EFNA2: variants seen among roughly 807,000 people sequenced by gnomAD.
EFNA2 encodes the protein ephrin A2, also known as ephrin-A2.
Under a neutral mutation model 19.7 loss-of-function variants are expected in EFNA2, and 18 were observed. The ratio of observed to expected loss-of-function variants is 0.91; its 90% CI spans 0.63 to 1.35. The LOEUF is 1.35. EFNA2 is among the 40% of genes most tolerant of loss of function. EFNA2 has a pLI of 0.00. For missense variants in EFNA2, 303 were observed against 296.0 expected, an observed-to-expected ratio of 1.02 and a Z score of -0.17; for synonymous variants, 187 against 137.8, an observed-to-expected ratio of 1.36 and a Z score of -2.50.
Position 1,300,770 on chromosome 19 carries a change from A to T in EFNA2, c.*825A>T, listed in dbSNP as rs889135803. ...CGGAATCACAGTCCCGCCGTGTCTT[A>T]GAAACTGCTTTGGCCGATGCAAACA... On this transcript the variant is annotated 3_prime_UTR_variant, in exon 4 of 4. Coordinates refer to ENST00000215368, the MANE Select transcript of EFNA2 (RefSeq NM_001405.4). Among the ~76,000 whole-genome samples, 2 of 152,130 alleles carry T rather than the reference A, an allele frequency of 1.3e-5. No individual in the cohort carries two copies. The highest frequency in any genetic ancestry group is 6.5e-5 in the Admixed American group (1 of 15,280).
Position 1,288,581 on chromosome 19 carries a change from G to A in EFNA2, c.140+2273G>A, listed in dbSNP as rs115011449. The stretch of plus-strand genomic sequence containing the variant: ...ACAGCAGCGTGGGCACCAGGGGACC[G>A]TGTGCTCGATGGGGCCTGCAGGCCC... On this transcript the variant is annotated intron_variant, in intron 1 of 3. Transcript: ENST00000215368. 3.0e-3 allele frequency among the ~76,000 whole-genome samples: 451 copies of A among 152,198 alleles called. 5 individuals are homozygous for A. Among genetic ancestry groups the A allele is most frequent in the African/African-American group, 0.01 (435 of 41,502 alleles).
Position 1,300,114 on chromosome 19 carries a change from AC to A in EFNA2, c.*171del. On this transcript the variant is annotated 3_prime_UTR_variant, in exon 4 of 4. Coordinates refer to ENST00000215368, the MANE Select transcript of EFNA2 (RefSeq NM_001405.4). ...GCAGGGGCCATCCACCCGCCCCAGG[AC>A]CAGCCCTCAGGGAGGGGAAACGGCC... 1.0e-6 allele frequency: 1 copy of A among 990,024 alleles called. No individual in the cohort carries two copies. Among genetic ancestry groups the A allele is most frequent in the African/African-American group, 1.7e-5 (1 of 58,422 alleles). The allele number at this position is 990,024 out of a possible 1,614,324, so 61.3% of individuals were successfully genotyped here.
At position 1,286,207 on chromosome 19, in the gene EFNA2, C is replaced by T. The variant is rs1423021397; in HGVS notation, c.39C>T (p.Leu13=). Residue 13 remains leucine, a synonymous_variant, in exon 1 of 4, where the codon CTC becomes CTT. Coordinates refer to ENST00000215368, the MANE Select transcript of EFNA2 (RefSeq NM_001405.4). This position sits in a 1 kb window ranked among gnomAD's most constrained non-coding sequence, Gnocchi z 5.6. ...PAQRPLLPLL[L]LLLPLPPPPF... ...AGCGCCCGCTGCTCCCGCTGCTGCT[C>T]CTGCTGTTACCGCTGCCGCCGCCGC... 11 of 1,098,316 alleles carry T rather than the reference C, an allele frequency of 1.0e-5. No individual in the cohort carries two copies. Among genetic ancestry groups the T allele is most frequent in the Non-Finnish European group, 1.2e-5 (11 of 892,640 alleles). 68.0% of individuals were successfully genotyped at this position (1,098,316 alleles called of 1,614,324 possible). A position where few individuals can be genotyped will look rare whatever the true frequency, so the allele number is the denominator to read the frequency against.
chr19:1,299,847 G>A lies in EFNA2; in HGVS notation c.544G>A (p.Glu182Lys). Residue 182 changes from glutamate to lysine, a missense_variant, in exon 4 of 4, where the codon GAG becomes AAG. Coordinates refer to ENST00000215368, the MANE Select transcript of EFNA2 (RefSeq NM_001405.4). The part of the protein sequence containing the change: ...PTNETLYEAP[E>K]PIFTSNNSCS... Reference sequence around the variant, plus strand: ...AGACGAGACCCTGTACGAGGCTCCTGAGCCCATCTTCACCAGCAATAACTC... The same window carrying A: ...AGACGAGACCCTGTACGAGGCTCCTAAGCCCATCTTCACCAGCAATAACTC... 2 of 1,603,940 alleles carry A rather than the reference G, an allele frequency of 1.2e-6. No homozygotes were observed. Among genetic ancestry groups the A allele is most frequent in the Non-Finnish European group, 1.7e-6 (2 of 1,177,706 alleles).
At position 1,299,825 on chromosome 19, in the gene EFNA2, C is replaced by G; in HGVS notation, c.522C>G (p.Asn174Lys). 12 of 1,600,068 alleles carry G rather than the reference C, an allele frequency of 7.5e-6. No individual in the cohort carries two copies. Among genetic ancestry groups the G allele is most frequent in the South Asian group, 1.1e-5 (1 of 89,868 alleles). ...LRLKVYVRPT[N>K]ETLYEAPEPI... Reference sequence around the variant, plus strand: ...GCGTGCTGTCTCTGCCACCCGCAGACGAGACCCTGTACGAGGCTCCTGAGC... The same window carrying G: ...GCGTGCTGTCTCTGCCACCCGCAGAGGAGACCCTGTACGAGGCTCCTGAGC... Residue 174 changes from asparagine to lysine, a missense_variant and splice_region_variant, in exon 4 of 4, where the codon AAC becomes AAG. Coordinates refer to ENST00000215368, the MANE Select transcript of EFNA2 (RefSeq NM_001405.4).
chr19:1,300,512 C>T lies in EFNA2; in HGVS notation c.*567C>T, dbSNP rs889365043. Among the ~76,000 whole-genome samples the T allele has an allele frequency of 1.5e-4, 22 of 150,964 alleles. No homozygotes were observed. Among genetic ancestry groups the T allele is most frequent in the Non-Finnish European group, 3.3e-4 (22 of 67,452 alleles). On this transcript the variant is annotated 3_prime_UTR_variant, in exon 4 of 4. Transcript: ENST00000215368. ...AACACAGCCGCTCCCCTCTGCTCTG[C>T]ACCCCACTCGTGGGGGAACACAGCC...
chr19:1,286,232 C>T lies in EFNA2; in HGVS notation c.64C>T (p.Pro22Ser). 8.9e-7 allele frequency: 1 copy of T among 1,126,554 alleles called. No homozygotes were observed. The highest frequency in any genetic ancestry group is 1.1e-6 in the Non-Finnish European group (1 of 906,728). 69.8% of individuals were successfully genotyped at this position (1,126,554 alleles called of 1,614,324 possible). Residue 22 changes from proline (P) to serine (S), a missense_variant, in exon 1 of 4, where the codon CCC becomes TCC. Transcript: ENST00000215368. This position sits in a 1 kb window ranked among gnomAD's most constrained non-coding sequence, Gnocchi z 5.6. ...LLLLLPLPPP[P>S]FARAEDAARA... The stretch of plus-strand genomic sequence containing the variant: ...CCTGCTGTTACCGCTGCCGCCGCCG[C>T]CCTTCGCGCGCGCCGAGGACGCCGC...
Position 1,286,412 on chromosome 19 carries a change from C to A in EFNA2, c.140+104C>A. ...GCTCCGGGCGCCCCCCACGCGCGCG[C>A]CGCCGCCGGGATGCGGGCGCCCGGT... On this transcript the variant is annotated intron_variant, in intron 1 of 3. Coordinates refer to ENST00000215368, the MANE Select transcript of EFNA2 (RefSeq NM_001405.4). This position sits in a 1 kb window ranked among gnomAD's most constrained non-coding sequence, Gnocchi z 5.6. 1 of 424,704 alleles carries A rather than the reference C, an allele frequency of 2.4e-6. No homozygotes were observed. The highest frequency in any genetic ancestry group is 3.1e-6 in the Non-Finnish European group (1 of 319,340). 26.3% of individuals were successfully genotyped at this position (424,704 alleles called of 1,614,324 possible).
chr19:1,286,237 C>G lies in EFNA2; in HGVS notation c.69C>G (p.Phe23Leu). The G allele has an allele frequency of 8.9e-7, 1 of 1,128,296 alleles. No individual in the cohort carries two copies. The highest frequency in any genetic ancestry group is 1.9e-5 in the South Asian group (1 of 51,446). 69.9% of individuals were successfully genotyped at this position (1,128,296 alleles called of 1,614,324 possible). ...LLLLPLPPPP[F>L]ARAEDAARAN... ...TGTTACCGCTGCCGCCGCCGCCCTT[C>G]GCGCGCGCCGAGGACGCCGCCCGCG... is the stretch of plus-strand genomic sequence containing the variant. Residue 23 changes from phenylalanine (F) to leucine (L), a missense_variant, in exon 1 of 4, where the codon TTC becomes TTG. Transcript: ENST00000215368. This position sits in a 1 kb window ranked among gnomAD's most constrained non-coding sequence, Gnocchi z 5.6.
rs1048744625 is a variant in EFNA2 at position 1,300,068 on chromosome 19, G to A, written c.*123G>A. 3.2e-5 allele frequency: 42 copies of A among 1,331,126 alleles called. No individual in the cohort carries two copies. Among genetic ancestry groups the A allele is most frequent in the Non-Finnish European group, 3.6e-5 (36 of 1,011,048 alleles). The allele number at this position is 1,331,126 out of a possible 1,614,324, so 82.5% of individuals were successfully genotyped here. On this transcript the variant is annotated 3_prime_UTR_variant, in exon 4 of 4. Transcript: ENST00000215368. ...CAAATAGAGACGCTGCTTCTCCCTC[G>A]CCTGGTGCCGCCCCCGCCGGGCAGG... is the stretch of plus-strand genomic sequence containing the variant.
At chr19:1,299,740 A>G in intron 3 of EFNA2, 84 bp from the exon 4 acceptor site, 1 of 1,490,432 alleles carries the variant, frequency 6.7e-7, no homozygotes, top group Non-Finnish European at 8.9e-7. Context: ...CGTTGGGCAG[A>G]TGTGCACCCT....
At position 1,286,323 on chromosome 19, in the gene EFNA2, G is replaced by C. The variant is rs1180346775; in HGVS notation, c.140+15G>C. The C allele has an allele frequency of 8.1e-6, 8 of 989,184 alleles. No individual in the cohort carries two copies. In the African/African-American group the frequency reaches 1.1e-4, roughly 13 times the overall value. The allele number at this position is 989,184 out of a possible 1,614,324, so 61.3% of individuals were successfully genotyped here. A position where few individuals can be genotyped will look rare whatever the true frequency, so the allele number is the denominator to read the frequency against. ...AGCAACCCCAGGTGAGCGCGGCCGC[G>C]CGCGGGGGGCGCCCGGGGACCCCCC... is the stretch of plus-strand genomic sequence containing the variant. On this transcript the variant is annotated intron_variant, in intron 1 of 3. Coordinates refer to ENST00000215368, the MANE Select transcript of EFNA2 (RefSeq NM_001405.4). This position sits in a 1 kb window ranked among gnomAD's most constrained non-coding sequence, Gnocchi z 5.6.
upstream of EFNA2, among the ~76,000 whole-genome samples, chr19:1,285,448 C>G (rs375083104): frequency 1.3e-5 from 2 of 152,336 alleles, no homozygotes; most frequent in Admixed American, 6.5e-5. The surrounding 1 kb of genome is among the most constrained non-coding windows in gnomAD (Gnocchi z 4.1). Flanking sequence ...GGTCGCAGCC[C>G]GAGCAGCTTT....
Position 1,297,934 on chromosome 19 carries a change from T to C in EFNA2, c.455-617T>C, listed in dbSNP as rs1277133506. Among the ~76,000 whole-genome samples, 1 of 151,866 alleles carries C rather than the reference T, an allele frequency of 6.6e-6. No homozygotes were observed. Among genetic ancestry groups the C allele is most frequent in the Non-Finnish European group, 1.5e-5 (1 of 67,974 alleles). On this transcript the variant is annotated intron_variant, in intron 2 of 3. Coordinates refer to ENST00000215368, the MANE Select transcript of EFNA2 (RefSeq NM_001405.4). The surrounding 1 kb of genome is among the most constrained non-coding windows in gnomAD (Gnocchi z 5.0). Reference sequence around the variant, plus strand: ...TAAAAATACAAAAATTAGCCAGGCATGGTGGCACACATTTGTAATCCTGTT... The same window carrying C: ...TAAAAATACAAAAATTAGCCAGGCACGGTGGCACACATTTGTAATCCTGTT...
rs2081465563 is a variant in EFNA2 at position 1,286,465 on chromosome 19, G to A, written c.140+157G>A. Among the ~76,000 whole-genome samples the A allele has an allele frequency of 6.6e-6, 1 of 151,046 alleles. No homozygotes were observed. Among genetic ancestry groups the A allele is most frequent in the Non-Finnish European group, 1.5e-5 (1 of 67,638 alleles). ...CCGCGGGAGCCCCCCAGGGAGCTCCGGCCCCCCGGAGTTTGGGGGACTCGC... is the reference window on the plus strand; with the variant it reads ...CCGCGGGAGCCCCCCAGGGAGCTCCAGCCCCCCGGAGTTTGGGGGACTCGC... On this transcript the variant is annotated intron_variant, in intron 1 of 3. Coordinates refer to ENST00000215368, the MANE Select transcript of EFNA2 (RefSeq NM_001405.4). This position sits in a 1 kb window ranked among gnomAD's most constrained non-coding sequence, Gnocchi z 5.6.
intron 1 of EFNA2, among the ~76,000 whole-genome samples, chr19:1,292,611 G>A (rs568362421): frequency 1.3e-5 from 2 of 152,340 alleles, no homozygotes; most frequent in East Asian, 1.9e-4. Context: ...AGGGACAGCC[G>A]GGAGGCTGGT....
chr19:1,291,690 G>A (rs1239435110), intron 1 of EFNA2, among the ~76,000 whole-genome samples: 1 of 152,242 alleles, frequency 6.6e-6, no homozygotes, highest in Non-Finnish European at 1.5e-5. Flanking sequence ...TCCAGTCCTG[G>A]AAGGCAGCCC....
Position 1,295,825 on chromosome 19 carries a change from G to T in EFNA2, c.421G>T (p.Glu141Ter), listed in dbSNP as rs2081511872. 3 of 1,606,562 alleles carry T rather than the reference G, an allele frequency of 1.9e-6. No homozygotes were observed. The highest frequency in any genetic ancestry group is 2.5e-6 in the Non-Finnish European group (3 of 1,177,966). Residue 141 changes from glutamate to a stop codon, truncating the protein, a stop_gained, in exon 2 of 4, where the codon GAG (glutamate) becomes TAG (stop). Coordinates refer to ENST00000215368, the MANE Select transcript of EFNA2 (RefSeq NM_001405.4). LOFTEE classifies it high-confidence loss of function. The surrounding 1 kb of genome is among the most constrained non-coding windows in gnomAD (Gnocchi z 5.8). The part of the protein sequence containing the change: ...QLFTPFSLGF[E>*]FRPGHEYYYI... ...CTTCACGCCCTTCTCCCTGGGCTTC[G>T]AGTTCCGGCCCGGCCACGAGTATTA...
intron 1 of EFNA2, among the ~76,000 whole-genome samples, chr19:1,288,947 G>A (rs975076914): frequency 6.6e-6 from 1 of 152,180 alleles, no homozygotes; most frequent in African/African-American, 2.4e-5. Context: ...GCTTGGACCT[G>A]GCCGGCTGCC....
Sources: allele counts gnomAD v4.1 joint callset (sites outside exome capture counted in the v4.1 genomes callset), GRCh38; gene constraint gnomAD v4.1.1; non-coding constraint Gnocchi (gnomAD v3.1); transcripts MANE v1.5; gene names NCBI Gene and HGNC (gene_info 2026-07-23, HGNC 2026-07-21).